CAST: variants seen among roughly 807,000 people sequenced by gnomAD.
CAST encodes the protein MIR583 host.
A neutral mutation model predicts 119.6 loss-of-function variants in CAST; 76 were observed. That is an observed-to-expected ratio of 0.64 (90% CI 0.53 to 0.77). The LOEUF (loss-of-function observed/expected upper bound fraction) is 0.77, where lower values mean the gene tolerates loss of function less well. Ranked by LOEUF, CAST falls within the 30% of genes least tolerant of loss-of-function variation. The pLI, the probability that CAST is intolerant of heterozygous loss-of-function variation, is 0.00. For synonymous variants in CAST, 319 were observed against 331.6 expected (o/e 0.96, Z 0.41); for missense variants, 953 against 946.5 (o/e 1.01, Z -0.09).
chr5:96,625,315 G>A (rs1302180613), intron 1 of CAST, among the ~76,000 whole-genome samples: 2 of 151,522 alleles, frequency 1.3e-5, no homozygotes, highest in East Asian at 1.9e-4. Flanking sequence ...TCTCTCATAC[G>A]CACACTTAGA....
At chr5:96,387,919 C>A in the CAST span, among the ~76,000 whole-genome samples, 1 of 152,154 alleles carries the variant, frequency 6.6e-6, no homozygotes, top group Admixed American at 6.5e-5. Context: ...TCATGACAAC[C>A]CTGCAGGAAG....
chr5:96,294,993 T>C, the CAST span, among the ~76,000 whole-genome samples: 1 of 152,204 alleles, frequency 6.6e-6, no homozygotes, highest in South Asian at 2.1e-4. Context: ...CATTAGTTGA[T>C]AGGGAAACAG....
At chr5:96,701,392 G>A (rs1175407759) in intron 3 of CAST, among the ~76,000 whole-genome samples, 3 of 152,190 alleles carry the variant, frequency 2.0e-5, no homozygotes, top group African/African-American at 7.2e-5. Context: ...TGCTGTTTTT[G>A]TCACAGGAGA....
the CAST span, among the ~76,000 whole-genome samples, chr5:96,223,741 T>C: frequency 6.6e-6 from 1 of 152,326 alleles, no homozygotes; most frequent in South Asian, 2.1e-4. Context: ...TGACCCTGCT[T>C]CTTCTCCATC....
At chr5:96,380,773 G>GT in the CAST span, among the ~76,000 whole-genome samples, 1 of 152,120 alleles carries the variant, frequency 6.6e-6, no homozygotes, top group Non-Finnish European at 1.5e-5. Flanking sequence ...AAAAATTATT[G>GT]TATGATGAAA....
chr5:96,076,831 C>T, the CAST span, among the ~76,000 whole-genome samples: 1 of 151,860 alleles, frequency 6.6e-6, no homozygotes, highest in African/African-American at 2.4e-5. Flanking sequence ...CCTAAATTCC[C>T]ATTATTTTTA....
intron 1 of CAST, among the ~76,000 whole-genome samples, chr5:96,556,740 A>G (rs1254061032): frequency 3.3e-5 from 5 of 152,222 alleles, no homozygotes; most frequent in Non-Finnish European, 1.5e-5. Context: ...TGACTGGTGT[A>G]CCTGAAAGTG....
At chr5:96,013,628 C>A in the CAST span, among the ~76,000 whole-genome samples, 1 of 152,038 alleles carries the variant, frequency 6.6e-6, no homozygotes, top group Middle Eastern at 3.2e-3. Context: ...ATAGAGTATA[C>A]TTACACAAAC....
Position 96,722,702 on chromosome 5 carries a change from T to C in CAST, c.270+4T>C, listed in dbSNP as rs1393836223. ...TATGAATCCCACAGAAACCAAGGTATGAAGAATGCTAATTGAGTGAGTGCT... is the reference window on the plus strand; with the variant it reads ...TATGAATCCCACAGAAACCAAGGTACGAAGAATGCTAATTGAGTGAGTGCT... On this transcript the variant is annotated splice_donor_region_variant and intron_variant, in intron 4 of 31. Coordinates refer to ENST00000675179, the MANE Select transcript of CAST (RefSeq NM_001750.7). 1.2e-6 allele frequency: 2 copies of C among 1,605,288 alleles called. No homozygotes were observed. Among genetic ancestry groups the C allele is most frequent in the African/African-American group, 1.3e-5 (1 of 74,872 alleles).
chr5:96,463,200 G>A, the CAST span, among the ~76,000 whole-genome samples: 4 of 152,164 alleles, frequency 2.6e-5, no homozygotes, highest in African/African-American at 9.6e-5. Context: ...TACATTTGAT[G>A]GCAGCTATTT....
chr5:96,104,022 TA>T, the CAST span, among the ~76,000 whole-genome samples: 1 of 152,222 alleles, frequency 6.6e-6, no homozygotes. Flanking sequence ...TTTGGCTGCA[TA>T]AATGTCTTCT....
the CAST span, among the ~76,000 whole-genome samples, chr5:96,159,154 T>A: frequency 6.6e-6 from 1 of 152,202 alleles, no homozygotes; most frequent in Non-Finnish European, 1.5e-5. Flanking sequence ...TTTAAAATGC[T>A]AATGAAATGC....
chr5:96,041,024 A>G, the CAST span, among the ~76,000 whole-genome samples: 1 of 152,146 alleles, frequency 6.6e-6, no homozygotes, highest in Non-Finnish European at 1.5e-5. Flanking sequence ...TTGGTAGGCT[A>G]TTAATTATTG....
chr5:96,565,919 C>T (rs760246586), intron 1 of CAST, among the ~76,000 whole-genome samples: 1 of 152,150 alleles, frequency 6.6e-6, no homozygotes, highest in African/African-American at 2.4e-5. Flanking sequence ...GCTTTATTAT[C>T]GTGACCCAGA....
At chr5:96,672,706 C>CAAAAA (rs11427288) in intron 1 of CAST, among the ~76,000 whole-genome samples, 28 of 59,006 alleles carry the variant, frequency 4.7e-4, no homozygotes, top group African/African-American at 6.2e-4. Flanking sequence ...GACTCAGTCT[C>CAAAAA]AAAAAAAAAA....
chr5:96,626,643 C>T (rs998240985), intron 1 of CAST, among the ~76,000 whole-genome samples: 2 of 152,214 alleles, frequency 1.3e-5, no homozygotes, highest in African/African-American at 4.8e-5. Context: ...CAGGGAGAGT[C>T]TCCCTAACCA....
At chr5:95,962,598 T>C in the CAST span, among the ~76,000 whole-genome samples, 1 of 152,052 alleles carries the variant, frequency 6.6e-6, no homozygotes, top group Non-Finnish European at 1.5e-5. Context: ...AAGGACAAAA[T>C]CACGCGGGAG....
chr5:96,268,378 G>T, the CAST span, among the ~76,000 whole-genome samples: 2 of 152,278 alleles, frequency 1.3e-5, no homozygotes, highest in Admixed American at 6.5e-5. Flanking sequence ...TTCGGGCCCA[G>T]TCTGGGCAAC....
chr5:96,183,555 A>G, the CAST span, among the ~76,000 whole-genome samples: 2 of 152,108 alleles, frequency 1.3e-5, no homozygotes, highest in African/African-American at 2.4e-5. Context: ...ATTATGAAGC[A>G]TTACTTCTTT....
Sources: allele counts gnomAD v4.1 joint callset (sites outside exome capture counted in the v4.1 genomes callset), GRCh38; gene constraint gnomAD v4.1.1; transcripts MANE v1.5; gene names NCBI Gene and HGNC (gene_info 2026-07-23, HGNC 2026-07-21).